Variants in FLNB observed in about 807,000 individuals in gnomAD.
The protein encoded by FLNB is filamin-B.
FLNB carries 111 observed loss-of-function variants against 250.6 expected under a neutral mutation model. The ratio of observed to expected loss-of-function variants is 0.44; its 90% confidence interval spans 0.38 to 0.52. The LOEUF (loss-of-function observed/expected upper bound fraction) is 0.52, where lower values mean the gene tolerates loss of function less well. FLNB is among the 20% of genes least tolerant of loss of function. FLNB has a pLI of 0.00. For synonymous variants in FLNB, 1,302 were observed against 1,372.1 expected, an observed-to-expected ratio of 0.95 and a Z score of 1.13; for missense variants, 2,869 against 3,447.8, an observed-to-expected ratio of 0.83 and a Z score of 4.20.
At chr3:58,152,780 G>A (rs779499880) in intron 38 of FLNB, 3 of 1,332,864 alleles carry the variant, frequency 2.3e-6, no homozygotes, top group South Asian at 2.4e-5. Flanking sequence ...GGCTCTAGGT[G>A]ATGGCAGTGC....
In FLNB at chr3:58,088,429, T is replaced by C. The variant is rs978069251; in HGVS notation, c.788-6407T>C. 1.3e-4 allele frequency among the ~76,000 whole-genome samples: 20 copies of C among 152,268 alleles called. No individual in the cohort carries two copies. In the South Asian group the frequency reaches 1.5e-3, roughly 11 times the overall value. Reference sequence around the variant, plus strand: ...GCTCCTGGGAAGATGGAATAGGACTTTTCCTAATTCTTTCTTCTAACTACA... The same window carrying C: ...GCTCCTGGGAAGATGGAATAGGACTCTTCCTAATTCTTTCTTCTAACTACA... On this transcript the variant is annotated intron_variant, in intron 4 of 45. Coordinates refer to ENST00000295956, the MANE Select transcript of FLNB (RefSeq NM_001457.4).
intron 42 of FLNB, among the ~76,000 whole-genome samples, chr3:58,160,487 A>G (rs2097359639): frequency 6.6e-6 from 1 of 152,222 alleles, no homozygotes; most frequent in Non-Finnish European, 1.5e-5. Flanking sequence ...GATGACCCCA[A>G]ATGATCACTA....
At chr3:58,130,135 G>A (rs1482172131) in intron 24 of FLNB, among the ~76,000 whole-genome samples, 1 of 152,110 alleles carries the variant, frequency 6.6e-6, no homozygotes. Context: ...TGCATTGGAG[G>A]GAGAGGAGTC....
At chr3:58,015,012 C>T (rs1435366473) in intron 1 of FLNB, among the ~76,000 whole-genome samples, 1 of 152,206 alleles carries the variant, frequency 6.6e-6, no homozygotes, top group Non-Finnish European at 1.5e-5. Flanking sequence ...CAGGCGTGAG[C>T]CACCGGACCC....
intron 1 of FLNB, among the ~76,000 whole-genome samples, chr3:58,019,647 G>A (rs550864624): frequency 4.6e-5 from 7 of 151,740 alleles, no homozygotes; most frequent in Admixed American, 1.3e-4. Flanking sequence ...GTGAGAGGGT[G>A]TAGAAGAGAC....
At chr3:58,034,346 G>C (rs2097135067) in intron 1 of FLNB, among the ~76,000 whole-genome samples, 1 of 151,996 alleles carries the variant, frequency 6.6e-6, no homozygotes, top group South Asian at 2.1e-4. Context: ...CAGTGTTTGA[G>C]AGCTCCAGTT....
intron 24 of FLNB, among the ~76,000 whole-genome samples, chr3:58,130,221 CTGT>C (rs1366430011): frequency 6.6e-6 from 1 of 152,188 alleles, no homozygotes; most frequent in African/African-American, 2.4e-5. Context: ...TCTCTCCGTT[CTGT>C]TGTTCCACCA....
intron 16 of FLNB, 61 bp from the exon 17 acceptor site, chr3:58,111,730 C>T: frequency 8.0e-7 from 1 of 1,246,394 alleles, no homozygotes; most frequent in Admixed American, 1.7e-5. Flanking sequence ...TTGTTGAAGG[C>T]TCCCTGAGCT....
At chr3:58,163,107 G>T (rs760455872) in intron 42 of FLNB, 47 bp from the exon 43 acceptor site, 8 of 1,585,694 alleles carry the variant, frequency 5.0e-6, no homozygotes, top group Non-Finnish European at 6.9e-6. Flanking sequence ...GAACTCAGGG[G>T]TGTCCATTTG....
rs758254035 is a variant in FLNB, at chr3:58,102,223, C to T, written c.1366C>T (p.Arg456Trp). ...VGEACNPNAC[R>W]ASGRGLQPKG... ...TGCAGCCTGCAATCCAAATGCCTGC[C>T]GGGCCAGTGGCCGAGGCCTACAACC... Residue 456 changes from arginine (R) to tryptophan (W), a missense_variant, in exon 9 of 46, where the codon CGG (arginine) becomes TGG (tryptophan). Coordinates refer to ENST00000295956, the MANE Select transcript of FLNB (RefSeq NM_001457.4). 114 of 1,614,090 alleles carry T rather than the reference C, an allele frequency of 7.1e-5. No individual in the cohort carries two copies. Among genetic ancestry groups the T allele is most frequent in the Middle Eastern group, 1.6e-4 (1 of 6,084 alleles).
chr3:58,014,737 C>T (rs1172086125), intron 1 of FLNB, among the ~76,000 whole-genome samples: 2 of 151,096 alleles, frequency 1.3e-5, no homozygotes, highest in Non-Finnish European at 3.0e-5. Flanking sequence ...TTTTCTTTTT[C>T]TTTTTTTTTG....
intron 18 of FLNB, among the ~76,000 whole-genome samples, chr3:58,114,849 C>T (rs1052259297): frequency 6.6e-6 from 1 of 151,908 alleles, no homozygotes. Flanking sequence ...TGGTCCTTTG[C>T]ATATTTTCTT....
chr3:58,079,388 G>A (rs1379968506), intron 3 of FLNB, among the ~76,000 whole-genome samples: 3 of 151,994 alleles, frequency 2.0e-5, no homozygotes, highest in Non-Finnish European at 4.4e-5. Context: ...GAGTAGCTGG[G>A]ATTATAGGTG....
chr3:58,143,241 G>C lies in FLNB; in HGVS notation c.5285-232G>C, dbSNP rs367898233. Among the ~76,000 whole-genome samples the C allele has an allele frequency of 3.0e-4, 46 of 151,456 alleles. No homozygotes were observed. In the South Asian group the frequency reaches 4.2e-3, roughly 14 times the overall value. On this transcript the variant is annotated intron_variant, in intron 31 of 45. Transcript: ENST00000295956. Reference sequence around the variant, plus strand: ...TCTGAGCTTGATTTTGCCAGTTGTAGAAAACTCTTTAAGAGTTGTCTGCTA... The same window carrying C: ...TCTGAGCTTGATTTTGCCAGTTGTACAAAACTCTTTAAGAGTTGTCTGCTA...
intron 1 of FLNB, among the ~76,000 whole-genome samples, chr3:58,050,609 C>T (rs1432249374): frequency 6.6e-6 from 1 of 152,188 alleles, no homozygotes; most frequent in Non-Finnish European, 1.5e-5. Flanking sequence ...TGATTACCTG[C>T]ACACTATACC....
intron 1 of FLNB, among the ~76,000 whole-genome samples, chr3:58,074,737 A>G (rs1055476420): frequency 1.3e-5 from 2 of 152,078 alleles, no homozygotes; most frequent in African/African-American, 2.4e-5. Context: ...CTGTATTTTC[A>G]TTTTTCTCTG....
At chr3:58,034,957 C>G (rs1468690004) in intron 1 of FLNB, among the ~76,000 whole-genome samples, 2 of 152,198 alleles carry the variant, frequency 1.3e-5, no homozygotes, top group African/African-American at 4.8e-5. Context: ...CATCTCAGCC[C>G]ACCACTGGCA....
intron 20 of FLNB, 95 bp from the exon 21 acceptor site, chr3:58,122,998 T>G: frequency 8.7e-7 from 1 of 1,147,222 alleles, no homozygotes; most frequent in South Asian, 1.2e-5. Context: ...CTGGCTCAGA[T>G]GCACTTCCAT....
At chr3:58,072,104 A>C (rs964528891) in intron 1 of FLNB, among the ~76,000 whole-genome samples, 1 of 152,084 alleles carries the variant, frequency 6.6e-6, no homozygotes, top group African/African-American at 2.4e-5. Flanking sequence ...AAAAGAAAAC[A>C]AAACTAAACA....
Sources: allele counts gnomAD v4.1 joint callset (sites outside exome capture counted in the v4.1 genomes callset), GRCh38; gene constraint gnomAD v4.1.1; transcripts MANE v1.5; gene names NCBI Gene and HGNC (gene_info 2026-07-23, HGNC 2026-07-21).